Variants in ASB5 observed in about 807,000 individuals in gnomAD.
ASB5 encodes the protein ankyrin repeat and SOCS box protein 5.
In ASB5, 45 loss-of-function variants were observed where a neutral mutation model predicts 42.1. The ratio of observed to expected loss-of-function variants is 1.07; its 90% CI spans 0.84 to 1.37. The LOEUF (loss-of-function observed/expected upper bound fraction) is 1.37, where lower values mean the gene tolerates loss of function less well. Ranked by LOEUF, ASB5 falls within the 40% of genes most tolerant of loss-of-function variation. The pLI, the probability that ASB5 is intolerant of heterozygous loss-of-function variation, is 0.00. For missense variants in ASB5, 402 were observed against 399.8 expected (o/e 1.01, Z -0.05); for synonymous variants, 147 against 150.6 (o/e 0.98, Z 0.18).
chr4:176,216,208 C>T (rs546506556), intron 6 of ASB5, among the ~76,000 whole-genome samples: 1 of 151,948 alleles, frequency 6.6e-6, no homozygotes, highest in Non-Finnish European at 1.5e-5. Context: ...AGGTTCATGT[C>T]CTTATAAAAT....
intron 1 of ASB5, among the ~76,000 whole-genome samples, chr4:176,235,786 A>G (rs1422766524): frequency 6.8e-6 from 1 of 147,964 alleles, no homozygotes. Context: ...GTTTGCTAAG[A>G]CTTGTCTTTT....
chr4:176,269,053 A>C lies in ASB5; in HGVS notation c.56T>G (p.Phe19Cys). The C allele has an allele frequency of 6.2e-7, 1 of 1,613,240 alleles. No individual in the cohort carries two copies. Among genetic ancestry groups the C allele is most frequent in the Non-Finnish European group, 8.5e-7 (1 of 1,179,546 alleles). ...AAAACAGAACAGCGAAAGTATTGTA[A>C]AGTAGACATTGGATAATTGTTGAGC... Reference protein sequence around the residue: ...PFAQQLSNVYFTILSLFCFKL... With the variant: ...PFAQQLSNVYCTILSLFCFKL... The change falls in exon 1 of 7, where the codon TTT becomes TGT. Residue 19 changes from phenylalanine to cysteine, a missense_variant. Coordinates refer to ENST00000296525, the MANE Select transcript of ASB5 (RefSeq NM_080874.4).
intron 3 of ASB5, 128 bp downstream of exon 3, chr4:176,222,185 G>A: frequency 2.5e-6 from 2 of 813,242 alleles, no homozygotes; most frequent in Non-Finnish European, 3.8e-6. Context: ...AGGAATTCAA[G>A]AGCTTTATTT....
At chr4:176,225,482 A>C in intron 1 of ASB5, 141 bp from the exon 2 acceptor site, 1 of 648,158 alleles carries the variant, frequency 1.5e-6, no homozygotes. Flanking sequence ...CTTATACTGT[A>C]CATTAGGAAA....
Position 176,245,749 on chromosome 4 carries a change from G to A in ASB5, c.197-20408C>T, listed in dbSNP as rs542073734. Among the ~76,000 whole-genome samples the A allele has an allele frequency of 2.6e-5, 4 of 152,216 alleles. No homozygotes were observed. In the East Asian group the frequency reaches 5.8e-4, roughly 22 times the overall value. Reference sequence around the variant, plus strand: ...AGGATGAGTTCATGTCCTTTGCAGCGACATGGATGAAGCTGGAAACCATCA... The same window carrying A: ...AGGATGAGTTCATGTCCTTTGCAGCAACATGGATGAAGCTGGAAACCATCA... On this transcript the variant is annotated intron_variant, in intron 1 of 6. Transcript: ENST00000296525.
Position 176,269,163 on chromosome 4 carries a change from T to C in ASB5, c.-55A>G. On this transcript the variant is annotated 5_prime_UTR_variant, in exon 1 of 7. Coordinates refer to ENST00000296525, the MANE Select transcript of ASB5 (RefSeq NM_080874.4). ...GTTGGATCCAAGTCTCAAATGTGCCTGGCTCTCGTCCGGGATGCTCCTGAA... is the reference window on the plus strand; with the variant it reads ...GTTGGATCCAAGTCTCAAATGTGCCCGGCTCTCGTCCGGGATGCTCCTGAA... 3.9e-6 allele frequency: 6 copies of C among 1,538,228 alleles called. No homozygotes were observed. Among genetic ancestry groups the C allele is most frequent in the Non-Finnish European group, 5.3e-6 (6 of 1,129,252 alleles).
chr4:176,229,410 C>T (rs1753465739), intron 1 of ASB5, among the ~76,000 whole-genome samples: 1 of 152,108 alleles, frequency 6.6e-6, no homozygotes, highest in Admixed American at 6.6e-5. Context: ...TTCCTTCCAG[C>T]CAGCTCTTCT....
At chr4:176,248,993 G>C (rs1341619890) in intron 1 of ASB5, among the ~76,000 whole-genome samples, 1 of 152,206 alleles carries the variant, frequency 6.6e-6, no homozygotes, top group Non-Finnish European at 1.5e-5. Context: ...TTGAGACAGA[G>C]TCTTGTTCTG....
At chr4:176,257,660 T>C (rs1227758172) in intron 1 of ASB5, among the ~76,000 whole-genome samples, 1 of 152,222 alleles carries the variant, frequency 6.6e-6, no homozygotes, top group Non-Finnish European at 1.5e-5. Context: ...ATAGTTATAG[T>C]TCTCCAATAT....
chr4:176,263,896 A>AG (rs1201889706), intron 1 of ASB5, among the ~76,000 whole-genome samples: 5 of 152,278 alleles, frequency 3.3e-5, no homozygotes, highest in African/African-American at 9.6e-5. Flanking sequence ...TTATTAATGG[A>AG]GAAAAAAAAG....
intron 5 of ASB5, among the ~76,000 whole-genome samples, chr4:176,219,431 T>C (rs1312122423): frequency 2.2e-5 from 2 of 92,444 alleles, no homozygotes; most frequent in Non-Finnish European, 4.0e-5. Context: ...GTATGATATA[T>C]AAATATATAT....
At chr4:176,219,327 G>T (rs1344840113) in intron 5 of ASB5, among the ~76,000 whole-genome samples, 152 of 79,838 alleles carry the variant, frequency 1.9e-3, no homozygotes, top group African/African-American at 7.2e-3. Flanking sequence ...ATATTTGTAT[G>T]ATATATAAAT....
chr4:176,236,518 G>T (rs1753687941), intron 1 of ASB5, among the ~76,000 whole-genome samples: 1 of 152,126 alleles, frequency 6.6e-6, no homozygotes, highest in Non-Finnish European at 1.5e-5. Context: ...TGTGTATTGG[G>T]GTGGGGAGTA....
rs139154232 is a variant in ASB5, at chr4:176,239,513, C to T, written c.197-14172G>A. 1.5e-3 allele frequency among the ~76,000 whole-genome samples: 226 copies of T among 152,180 alleles called. 2 individuals are homozygous for T. Among genetic ancestry groups the T allele is most frequent in the Non-Finnish European group, 1.6e-3 (107 of 68,024 alleles). On this transcript the variant is annotated intron_variant, in intron 1 of 6. Transcript: ENST00000296525. ...TTTTTGTTCTGAAAACAATTTTAGACACCGTATATTATAATGATCTATTTC... is the reference window on the plus strand; with the variant it reads ...TTTTTGTTCTGAAAACAATTTTAGATACCGTATATTATAATGATCTATTTC...
chr4:176,241,459 T>C, intron 1 of ASB5: 1 of 1,533,626 alleles, frequency 6.5e-7, no homozygotes. Context: ...GGTTTTCTTT[T>C]ACCTGTTACT....
chr4:176,261,390 G>C (rs933384817), intron 1 of ASB5, among the ~76,000 whole-genome samples: 2 of 152,114 alleles, frequency 1.3e-5, no homozygotes, highest in South Asian at 4.1e-4. Context: ...TCCTGTAAAG[G>C]TATTAGAAAG....
At chr4:176,250,795 C>T (rs994686508) in intron 1 of ASB5, among the ~76,000 whole-genome samples, 4 of 152,218 alleles carry the variant, frequency 2.6e-5, no homozygotes, top group African/African-American at 9.6e-5. Context: ...TCATCACCAG[C>T]ACCTACATCA....
Position 176,268,983 on chromosome 4 carries a change from G to A in ASB5, c.126C>T (p.Tyr42=), listed in dbSNP as rs752705231. ...CTTCCTTGCGGTTGCCTTTCACTAT[G>A]TAGAAATGACTGAGGATGGCAAGGC... The part of the protein sequence containing the change: ...KISLAILSHF[Y]IVKGNRKEAA... Residue 42 remains tyrosine (Y), a synonymous_variant, in exon 1 of 7, where the codon TAC becomes TAT. Transcript: ENST00000296525. 36 of 1,613,356 alleles carry A rather than the reference G, an allele frequency of 2.2e-5. No individual in the cohort carries two copies. The South Asian group carries it at 3.5e-4, about 16-fold the overall frequency.
At chr4:176,238,800 G>A (rs1402959176) in intron 1 of ASB5, among the ~76,000 whole-genome samples, 1 of 152,058 alleles carries the variant, frequency 6.6e-6, no homozygotes, top group Non-Finnish European at 1.5e-5. Flanking sequence ...CTACCCTATG[G>A]ACATTTGCTG....
Sources: allele counts gnomAD v4.1 joint callset (sites outside exome capture counted in the v4.1 genomes callset), GRCh38; gene constraint gnomAD v4.1.1; transcripts MANE v1.5; gene names NCBI Gene and HGNC (gene_info 2026-07-23, HGNC 2026-07-21).